Variants in SLC26A6 observed in about 807,000 individuals in gnomAD.
SLC26A6 encodes the protein solute carrier family 26 member 6.
SLC26A6 carries 67 observed loss-of-function variants against 87.1 expected under a neutral mutation model. That is an observed-to-expected ratio of 0.77 (90% confidence interval 0.63 to 0.94). The LOEUF (loss-of-function observed/expected upper bound fraction) is 0.94. Ranked by LOEUF, SLC26A6 falls within the 40% of genes least tolerant of loss-of-function variation. The pLI is 0.00. For missense variants in SLC26A6, 902 were observed against 973.0 expected (o/e 0.93, Z 0.97); for synonymous variants, 414 against 405.9 (o/e 1.02, Z -0.24).
In SLC26A6 at chr3:48,628,044, C is replaced by A; in HGVS notation, c.1801-6G>T. ...GCGCCCTTGGGGGAGGCAGCCTACA[C>A]CAGGGAAGACAGGGAATGGGAAACA... On this transcript the variant is annotated splice_polypyrimidine_tract_variant and splice_region_variant and intron_variant, in intron 16 of 20. Coordinates refer to ENST00000395550, the MANE Select transcript of SLC26A6 (RefSeq NM_022911.3). This position sits in a 1 kb window ranked among gnomAD's most constrained non-coding sequence, Gnocchi z 4.4. 6.4e-7 allele frequency: 1 copy of A among 1,562,912 alleles called. No homozygotes were observed. The highest frequency in any genetic ancestry group is 8.6e-7 in the Non-Finnish European group (1 of 1,160,318).
In SLC26A6 at chr3:48,632,419, G is replaced by A. The variant is rs765102841; in HGVS notation, c.434-23C>T. ...TCCCTGTAAGGACGGCACGGGGCAGGTCTGAAGAGGAGAGGACACTGCCCT... is the reference window on the plus strand; with the variant it reads ...TCCCTGTAAGGACGGCACGGGGCAGATCTGAAGAGGAGAGGACACTGCCCT... On this transcript the variant is annotated intron_variant, in intron 4 of 20. Transcript: ENST00000395550. 4 of 1,594,608 alleles carry A rather than the reference G, an allele frequency of 2.5e-6. No individual in the cohort carries two copies. In the African/African-American group the frequency reaches 4.0e-5, roughly 16 times the overall value.
At chr3:48,626,427 GCCCTGACCTCATCAC>G (rs1258856188) in intron 19 of SLC26A6, 73 bp from the exon 20 acceptor site, 3 of 1,602,946 alleles carry the variant, frequency 1.9e-6, no homozygotes, top group Admixed American at 3.4e-5. Flanking sequence ...CCAACAGAAT[GCCCTGACCTCATCAC>G]CCCTGACCTC....
rs750736099 is a variant in SLC26A6, at chr3:48,626,358, T to G, written c.2129-4A>C. 1 of 1,613,808 alleles carries G rather than the reference T, an allele frequency of 6.2e-7. No homozygotes were observed. Among genetic ancestry groups the G allele is most frequent in the Non-Finnish European group, 8.5e-7 (1 of 1,180,000 alleles). On this transcript the variant is annotated splice_polypyrimidine_tract_variant and splice_region_variant and intron_variant, in intron 19 of 20. Transcript: ENST00000395550. Reference sequence around the variant, plus strand: ...TCAAGCTGGCTGACCACAGGGCCTGTGGGCAAGAAGTAGGCCTCCCCTGAC... The same window carrying G: ...TCAAGCTGGCTGACCACAGGGCCTGGGGGCAAGAAGTAGGCCTCCCCTGAC...
Position 48,632,365 on chromosome 3 carries a change from G to A in SLC26A6, c.465C>T (p.Gly155=). ...GTFAVMSVMV[G]SVTESLAPQA... ...GCGGGGCCAGGGATTCTGTCACACT[G>A]CCCACCATCACAGACATGACAGCAA... The change falls in exon 5 of 21, where the codon GGC becomes GGT. Residue 155 remains glycine, a synonymous_variant. Transcript: ENST00000395550. The A allele has an allele frequency of 1.2e-6, 2 of 1,611,394 alleles. No individual in the cohort carries two copies. Among genetic ancestry groups the A allele is most frequent in the Non-Finnish European group, 1.7e-6 (2 of 1,178,888 alleles).
Position 48,627,016 on chromosome 3 carries a change from T to TG in SLC26A6, c.1932dup (p.Asn645GlnfsTer51). The stretch of plus-strand genomic sequence containing the variant: ...GGGGCCTTGGAGTCTTCTTGACCAT[T>TG]GGCTGTTGCATCTTCCATCTTATCT... On this transcript the variant is annotated frameshift_variant, in exon 18 of 21. Coordinates refer to ENST00000395550, the MANE Select transcript of SLC26A6 (RefSeq NM_022911.3). LOFTEE classifies it high-confidence loss of function. 1 of 1,614,090 alleles carries TG rather than the reference T, an allele frequency of 6.2e-7. No homozygotes were observed. The highest frequency in any genetic ancestry group is 8.5e-7 in the Non-Finnish European group (1 of 1,179,998).
In SLC26A6 at chr3:48,633,055, G is replaced by T. The variant is rs369111721; in HGVS notation, c.352C>A (p.Pro118Thr). Residue 118 changes from proline to threonine, a missense_variant, in exon 4 of 21, where the codon CCC becomes ACC. Around this residue, in one of 3 missense-constraint regions of SLC26A6, gnomAD observed 800 missense variants for 856.8 expected, o/e 0.93. Coordinates refer to ENST00000395550, the MANE Select transcript of SLC26A6 (RefSeq NM_022911.3). Reference protein sequence around the residue: ...GLAYALLAGLPPVFGLYSSFY... With the variant: ...GLAYALLAGLTPVFGLYSSFY... ...GAGCTATAGAGGCCAAACACGGGGG[G>T]CAATCCAGCCAGGAGGGCGTAGGCC... 1 of 1,613,324 alleles carries T rather than the reference G, an allele frequency of 6.2e-7. No individual in the cohort carries two copies. Among genetic ancestry groups the T allele is most frequent in the South Asian group, 1.1e-5 (1 of 90,840 alleles).
chr3:48,626,148 AG>A, intron 20 of SLC26A6, 69 bp downstream of exon 20: 2 of 1,611,030 alleles, frequency 1.2e-6, no homozygotes, highest in Non-Finnish European at 1.7e-6. Flanking sequence ...GACTCCCTGG[AG>A]CTGGGGCCAG....
At position 48,631,221 on chromosome 3, in the gene SLC26A6, C is replaced by T; in HGVS notation, c.986+3G>A. 1.9e-6 allele frequency: 3 copies of T among 1,611,206 alleles called. No individual in the cohort carries two copies. Among genetic ancestry groups the T allele is most frequent in the East Asian group, 4.5e-5 (2 of 44,824 alleles). On this transcript the variant is annotated splice_donor_region_variant and intron_variant, in intron 8 of 20. Coordinates refer to ENST00000395550, the MANE Select transcript of SLC26A6 (RefSeq NM_022911.3). The stretch of plus-strand genomic sequence containing the variant: ...CCCTGACCTGATGGAGGCCAGAGCT[C>T]ACCCTGCAGGGATGTTGCCCACGAC...
chr3:48,630,802 C>G (rs2046765451), intron 9 of SLC26A6, 82 bp from the exon 10 acceptor site: 1 of 1,507,990 alleles, frequency 6.6e-7, no homozygotes, highest in Non-Finnish European at 9.1e-7. Flanking sequence ...CTGTGCATCC[C>G]CAATCTCCAT....
chr3:48,632,323 G>A lies in SLC26A6; in HGVS notation c.507C>T (p.Ser169=), dbSNP rs770215381. ...ESLAPQALND[S]MINETARDAA... is the part of the protein sequence containing the mutation. ...CATCTCTGGCTGTCTCATTGATCAT[G>A]GAGTCGTTCAAGGCCTGCGGGGCCA... Residue 169 remains serine, a synonymous_variant, in exon 5 of 21, where the codon TCC becomes TCT. Coordinates refer to ENST00000395550, the MANE Select transcript of SLC26A6 (RefSeq NM_022911.3). The A allele has an allele frequency of 6.2e-7, 1 of 1,613,278 alleles. No individual in the cohort carries two copies. Among genetic ancestry groups the A allele is most frequent in the Non-Finnish European group, 8.5e-7 (1 of 1,179,820 alleles).
chr3:48,628,526 C>T lies in SLC26A6; in HGVS notation c.1708G>A (p.Asp570Asn), dbSNP rs1006700036. Residue 570 changes from aspartate (D) to asparagine (N), a missense_variant, in exon 16 of 21, where the codon GAC becomes AAC. This residue lies in a region of SLC26A6 where 800 missense variants were observed against 856.8 expected (regional missense o/e 0.93). Transcript: ENST00000395550. This position sits in a 1 kb window ranked among gnomAD's most constrained non-coding sequence, Gnocchi z 4.4. ...ALKQRCGVDV[D>N]FLISQKKKLL... The stretch of plus-strand genomic sequence containing the variant: ...TTCTTCTTCTGGGAGATGAGGAAGT[C>T]GACATCCACACCACACTGGAGGCAA... 2.2e-5 allele frequency: 36 copies of T among 1,613,938 alleles called. No homozygotes were observed. Among genetic ancestry groups the T allele is most frequent in the Non-Finnish European group, 2.8e-5 (33 of 1,179,998 alleles).
chr3:48,633,106 T>C (rs199880747), intron 3 of SLC26A6, 22 bp from the exon 4 acceptor site: 3 of 1,603,954 alleles, frequency 1.9e-6, no homozygotes, highest in Non-Finnish European at 2.6e-6. Context: ...ATGGTAGCAG[T>C]GCAGGCCTGG....
chr3:48,634,697 G>A (rs2046905231), intron 1 of SLC26A6: 1 of 984,474 alleles, frequency 1.0e-6, no homozygotes. Flanking sequence ...CCCTGACCTG[G>A]GGAGAGGATC....
In SLC26A6 at chr3:48,631,904, G is replaced by A; in HGVS notation, c.726C>T (p.His242=). Residue 242 remains histidine, a synonymous_variant, in exon 6 of 21, where the codon CAC becomes CAT. Coordinates refer to ENST00000395550, the MANE Select transcript of SLC26A6 (RefSeq NM_022911.3). ...KYVFGLHLSS[H]SGPLSLIYTV... ...CATAGATGAGGGACAGTGGCCCAGA[G>A]TGGCTGCTCAGATGGAGGCCAAACA... The A allele has an allele frequency of 1.2e-6, 2 of 1,613,578 alleles. No homozygotes were observed. The highest frequency in any genetic ancestry group is 1.7e-6 in the Non-Finnish European group (2 of 1,180,028).
intron 12 of SLC26A6, 29 bp from the exon 13 acceptor site, chr3:48,630,007 C>A (rs556163377): frequency 6.2e-7 from 1 of 1,613,904 alleles, no homozygotes; most frequent in South Asian, 1.1e-5. Context: ...GGTTGGAGGG[C>A]GGCGAGGAGC....
chr3:48,635,041 C>T (rs991276049), intron 1 of SLC26A6, among the ~76,000 whole-genome samples: 1 of 152,242 alleles, frequency 6.6e-6, no homozygotes, highest in Non-Finnish European at 1.5e-5. Flanking sequence ...AGCTAGTCCA[C>T]GGGCCGCTGC....
chr3:48,635,401 A>G lies in SLC26A6; in HGVS notation c.-8T>C. 1 of 1,583,502 alleles carries G rather than the reference A, an allele frequency of 6.3e-7. No homozygotes were observed. The highest frequency in any genetic ancestry group is 8.6e-7 in the Non-Finnish European group (1 of 1,166,134). On this transcript the variant is annotated 5_prime_UTR_variant, in exon 1 of 21. Coordinates refer to ENST00000395550, the MANE Select transcript of SLC26A6 (RefSeq NM_022911.3). ...CGCATCCGCCAGCCCCATGGCTCGCAAGTTGTCCGGTGCGGGCTGCTCCTG... is the reference window on the plus strand; with the variant it reads ...CGCATCCGCCAGCCCCATGGCTCGCGAGTTGTCCGGTGCGGGCTGCTCCTG...
At chr3:48,630,381 C>G (rs1048528775) in intron 11 of SLC26A6, 57 bp downstream of exon 11, 2 of 1,525,062 alleles carry the variant, frequency 1.3e-6, no homozygotes, top group Non-Finnish European at 1.8e-6. Context: ...CCTAGACTGG[C>G]TGATTTGAGA....
intron 4 of SLC26A6, chr3:48,632,702 A>T (rs1355026298): frequency 7.3e-6 from 5 of 683,022 alleles, no homozygotes; most frequent in Admixed American, 6.1e-5. Context: ...GGCTGGCCTT[A>T]GGCTGCTCAG....
Sources: allele counts gnomAD v4.1 joint callset (sites outside exome capture counted in the v4.1 genomes callset), GRCh38; gene constraint gnomAD v4.1.1; regional missense constraint gnomAD v4.1.1; non-coding constraint Gnocchi (gnomAD v3.1); transcripts MANE v1.5; gene names NCBI Gene and HGNC (gene_info 2026-07-23, HGNC 2026-07-21).